ROBO1: variants seen among roughly 807,000 people sequenced by gnomAD.
ROBO1 encodes the protein roundabout homolog 1.
ROBO1 carries 149 observed loss-of-function variants against 195.9 expected under a neutral mutation model. The ratio of observed to expected loss-of-function variants is 0.76; its 90% CI spans 0.67 to 0.87. The LOEUF is 0.87. Ranked by LOEUF, ROBO1 falls within the 40% of genes least tolerant of loss-of-function variation. The pLI, the probability that ROBO1 is intolerant of heterozygous loss-of-function variation, is 0.00. For synonymous variants in ROBO1, 816 were observed against 733.2 expected (o/e 1.11, Z -1.82); for missense variants, 1,933 against 2,068.3 (o/e 0.93, Z 1.27).
chr3:79,711,624 G>A (rs9309828), intron 1 of ROBO1, among the ~76,000 whole-genome samples: 43,512 of 151,834 alleles, frequency 0.29, 7,154 homozygotes, highest in African/African-American at 0.45. Flanking sequence ...GAATGCTACC[G>A]CTCTTGCTAA....
At chr3:79,657,215 A>G (rs995209943) in intron 1 of ROBO1, among the ~76,000 whole-genome samples, 2 of 152,136 alleles carry the variant, frequency 1.3e-5, no homozygotes, top group African/African-American at 4.8e-5. Context: ...CACAGAAAAT[A>G]ACCTTTGCCA....
At chr3:79,505,050 AT>A (rs34570023) in intron 2 of ROBO1, among the ~76,000 whole-genome samples, 45,695 of 151,544 alleles carry the variant, frequency 0.3, 7,096 homozygotes, top group Non-Finnish European at 0.35. Flanking sequence ...CTTTTTGAAT[AT>A]TCAATCCCTT....
intron 3 of ROBO1, among the ~76,000 whole-genome samples, chr3:78,952,990 C>T (rs1367588618): frequency 1.3e-5 from 2 of 151,956 alleles, no homozygotes; most frequent in East Asian, 1.9e-4. Flanking sequence ...GGAGTGAATG[C>T]CTGGTGTTTT....
chr3:78,862,308 G>GA (rs895602169), intron 4 of ROBO1, among the ~76,000 whole-genome samples: 4 of 151,476 alleles, frequency 2.6e-5, no homozygotes, highest in African/African-American at 4.9e-5. Context: ...ACAGGAGAGA[G>GA]AAAAAAAATA....
chr3:79,013,208 T>C (rs1207098548), intron 3 of ROBO1, among the ~76,000 whole-genome samples: 2 of 152,088 alleles, frequency 1.3e-5, no homozygotes, highest in Non-Finnish European at 2.9e-5. Context: ...GGAGTACCAA[T>C]TACTTGCCTT....
chr3:79,055,668 G>A (rs1228291349), intron 3 of ROBO1, among the ~76,000 whole-genome samples: 3 of 152,042 alleles, frequency 2.0e-5, no homozygotes, highest in Non-Finnish European at 4.4e-5. Context: ...CTCCCAGTCA[G>A]CATGTGATGG....
intron 4 of ROBO1, among the ~76,000 whole-genome samples, chr3:78,897,914 C>T (rs1484262321): frequency 6.6e-6 from 1 of 151,698 alleles, no homozygotes; most frequent in African/African-American, 2.4e-5. Context: ...CTACAACTTG[C>T]ATAGTGAAAG....
intron 2 of ROBO1, among the ~76,000 whole-genome samples, chr3:79,334,366 A>G (rs890815599): frequency 2.0e-5 from 3 of 146,932 alleles, no homozygotes; most frequent in Admixed American, 6.9e-5. Context: ...ATATATATGT[A>G]TATATATTTT....
intron 3 of ROBO1, among the ~76,000 whole-genome samples, chr3:78,950,299 G>A (rs566633677): frequency 3.3e-5 from 5 of 151,820 alleles, no homozygotes; most frequent in South Asian, 2.1e-4. Context: ...AAGAAAATGC[G>A]GCACGTATAC....
At chr3:79,058,176 T>G (rs953943184) in intron 3 of ROBO1, among the ~76,000 whole-genome samples, 2 of 152,072 alleles carry the variant, frequency 1.3e-5, no homozygotes, top group Admixed American at 6.6e-5. Flanking sequence ...TTGGGAAGAC[T>G]GTGTTAACTC....
intron 1 of ROBO1, among the ~76,000 whole-genome samples, chr3:79,742,535 T>C (rs1703693116): frequency 6.6e-6 from 1 of 152,186 alleles, no homozygotes; most frequent in Non-Finnish European, 1.5e-5. Flanking sequence ...GCTGGCCATA[T>C]GACTATGTGC....
chr3:79,114,254 T>C (rs1417692989), intron 3 of ROBO1, among the ~76,000 whole-genome samples: 1 of 152,160 alleles, frequency 6.6e-6, no homozygotes, highest in African/African-American at 2.4e-5. Context: ...AATAACCCAG[T>C]GGAGATTTAA....
At chr3:79,270,220 T>TCACATA (rs1007370063) in intron 2 of ROBO1, among the ~76,000 whole-genome samples, 1 of 140,280 alleles carries the variant, frequency 7.1e-6, no homozygotes, top group African/African-American at 2.6e-5. Flanking sequence ...TCTCTCTCTC[T>TCACATA]CACATACACA....
chr3:79,681,624 G>T (rs531321902), intron 1 of ROBO1, among the ~76,000 whole-genome samples: 3 of 151,864 alleles, frequency 2.0e-5, no homozygotes, highest in Admixed American at 6.6e-5. Context: ...TCTTGTGGTA[G>T]ATAGTAGAGG....
At chr3:79,392,548 C>T (rs1024429830) in intron 2 of ROBO1, among the ~76,000 whole-genome samples, 3 of 151,958 alleles carry the variant, frequency 2.0e-5, no homozygotes, top group African/African-American at 4.8e-5. Context: ...ATATTCCAAA[C>T]GCAGGTGGCA....
intron 5 of ROBO1, among the ~76,000 whole-genome samples, chr3:78,719,749 T>C (rs1284156925): frequency 6.6e-6 from 1 of 152,182 alleles, no homozygotes; most frequent in Non-Finnish European, 1.5e-5. Context: ...CTGATAGATA[T>C]TTAAGACATC....
Position 78,824,381 on chromosome 3 carries a change from GATAA to G in ROBO1, c.500-77485_500-77482del, listed in dbSNP as rs533038433. Among the ~76,000 whole-genome samples the G allele has an allele frequency of 3.3e-3, 502 of 152,198 alleles. 5 individuals carry two copies. Among genetic ancestry groups the G allele is most frequent in the Non-Finnish European group, 4.5e-3 (308 of 67,986 alleles). On this transcript the variant is annotated intron_variant, in intron 4 of 30. Coordinates refer to ENST00000464233, the MANE Select transcript of ROBO1 (RefSeq NM_002941.4). ...CATATTTTTATTCTTGACCCTATTT[GATAA>G]ATAATCATTAAACAATCTAGTTAGA...
intron 2 of ROBO1, among the ~76,000 whole-genome samples, chr3:79,517,436 T>A (rs1311404826): frequency 1.3e-5 from 2 of 152,200 alleles, no homozygotes; most frequent in Admixed American, 1.3e-4. Context: ...CTTGGCTGGC[T>A]CTGCATCAAT....
At chr3:78,970,452 TATCTACCCCTACC>T (rs2076738287) in intron 3 of ROBO1, among the ~76,000 whole-genome samples, 1 of 152,174 alleles carries the variant, frequency 6.6e-6, no homozygotes. Context: ...CAGTGAACTA[TATCTACCCCTACC>T]ATATTTTAAG....
Sources: gnomAD v4.1 joint callset for allele counts (sites outside exome capture counted in the v4.1 genomes callset) on GRCh38, gnomAD v4.1.1 for gene constraint, MANE v1.5 for transcripts, NCBI Gene and HGNC (gene_info 2026-07-23, HGNC 2026-07-21) for gene names.